The following DAB1 variants were observed in gnomAD, a reference collection of about 807,000 sequenced individuals.
The protein encoded by DAB1 is DAB adaptor protein 1.
In DAB1, 15 loss-of-function variants were observed where a neutral mutation model predicts 64.6. That is an observed-to-expected ratio of 0.23 (90% CI 0.16 to 0.36). DAB1 has a LOEUF of 0.36. Among genes scored for constraint, DAB1 ranks in the 10% least tolerant of loss-of-function variants. DAB1 has a pLI of 1.00. For synonymous variants in DAB1, 235 were observed against 251.9 expected, an observed-to-expected ratio of 0.93 and a Z score of 0.64; for missense variants, 596 against 706.7, an observed-to-expected ratio of 0.84 and a Z score of 1.78.
chr1:57,078,830 T>G (rs1652221869), intron 4 of DAB1, among the ~76,000 whole-genome samples: 1 of 152,192 alleles, frequency 6.6e-6, no homozygotes, highest in African/African-American at 2.4e-5. Flanking sequence ...GATTCTTCTT[T>G]AATTACTTAT....
At chr1:58,443,254 C>T (rs1050943111) in intron 3 of DAB1, among the ~76,000 whole-genome samples, 4 of 152,240 alleles carry the variant, frequency 2.6e-5, no homozygotes. Flanking sequence ...CAGTCCACAA[C>T]TTGGTTTGAG....
At chr1:57,417,803 T>C (rs1281210120) in intron 1 of DAB1, among the ~76,000 whole-genome samples, 1 of 152,182 alleles carries the variant, frequency 6.6e-6, no homozygotes, top group Non-Finnish European at 1.5e-5. Context: ...TGTTCTACAT[T>C]ACCTCTGTAC....
intron 6 of DAB1, among the ~76,000 whole-genome samples, chr1:57,785,485 G>A (rs894627447): frequency 6.6e-6 from 1 of 152,166 alleles, no homozygotes; most frequent in African/African-American, 2.4e-5. Flanking sequence ...TGACTCAAGG[G>A]AGGAAGTCAA....
At chr1:57,309,058 A>G (rs1674440188) in intron 1 of DAB1, among the ~76,000 whole-genome samples, 1 of 152,196 alleles carries the variant, frequency 6.6e-6, no homozygotes, top group South Asian at 2.1e-4. Context: ...TTTTTTTGTG[A>G]CATTTTTTAG....
chr1:57,025,614 G>A (rs1286066160), intron 10 of DAB1, among the ~76,000 whole-genome samples: 3 of 152,126 alleles, frequency 2.0e-5, no homozygotes, highest in Non-Finnish European at 4.4e-5. Context: ...GTGCTATCCC[G>A]AGTTTCCTGC....
In DAB1 at chr1:57,398,751, G is replaced by A. The variant is rs112386136; in HGVS notation, c.-137+25179C>T. Among the ~76,000 whole-genome samples the A allele has an allele frequency of 1.3e-3, 205 of 152,308 alleles. 3 individuals are homozygous for A. Among genetic ancestry groups the A allele is most frequent in the African/African-American group, 4.6e-3 (190 of 41,572 alleles). On this transcript the variant is annotated intron_variant, in intron 1 of 14. Coordinates refer to ENST00000371236, the MANE Select transcript of DAB1 (RefSeq NM_001365792.1). Reference sequence around the variant, plus strand: ...CCCCAAACGTCTTAACAACATACACGGTTGCCACTGTCTGAAGGCTGGAGA... The same window carrying A: ...CCCCAAACGTCTTAACAACATACACAGTTGCCACTGTCTGAAGGCTGGAGA...
At chr1:58,340,189 A>G (rs1038672852) in intron 4 of DAB1, among the ~76,000 whole-genome samples, 2 of 152,166 alleles carry the variant, frequency 1.3e-5, no homozygotes, top group East Asian at 3.8e-4. Flanking sequence ...ATATTAACAG[A>G]AAGGATTTCC....
At chr1:58,015,424 T>C (rs989893499) in intron 5 of DAB1, among the ~76,000 whole-genome samples, 1 of 152,198 alleles carries the variant, frequency 6.6e-6, no homozygotes, top group African/African-American at 2.4e-5. Context: ...CTCTGAAGTC[T>C]GGCTTTTCTC....
At chr1:57,811,984 A>G (rs577752763) in intron 6 of DAB1, among the ~76,000 whole-genome samples, 13 of 152,336 alleles carry the variant, frequency 8.5e-5, no homozygotes, top group Non-Finnish European at 1.8e-4. Flanking sequence ...ACATTTTTAA[A>G]GAGTCTTGTG....
chr1:57,500,670 C>T (rs1644280116), intron 7 of DAB1, among the ~76,000 whole-genome samples: 1 of 152,014 alleles, frequency 6.6e-6, no homozygotes, highest in South Asian at 2.1e-4. Context: ...TCGTTTATGC[C>T]AAGGAGAATG....
chr1:58,546,064 A>G (rs888930655), intron 1 of DAB1, among the ~76,000 whole-genome samples: 1 of 152,236 alleles, frequency 6.6e-6, no homozygotes, highest in African/African-American at 2.4e-5. Flanking sequence ...GCACGGCACA[A>G]TAAAACTGTT....
chr1:57,951,261 G>C (rs1367331544), intron 5 of DAB1, among the ~76,000 whole-genome samples: 2 of 144,344 alleles, frequency 1.4e-5, no homozygotes, highest in Admixed American at 7.2e-5. Flanking sequence ...GGGGGGTGAG[G>C]GGGGTAGTCT....
chr1:57,627,219 G>T (rs2101623466), intron 7 of DAB1, among the ~76,000 whole-genome samples: 1 of 152,172 alleles, frequency 6.6e-6, no homozygotes, highest in Admixed American at 6.5e-5. Context: ...ACCCAGACTG[G>T]GAATCTACAT....
chr1:58,137,569 C>A (rs920715985), intron 5 of DAB1, among the ~76,000 whole-genome samples: 3 of 152,126 alleles, frequency 2.0e-5, no homozygotes, highest in Admixed American at 6.5e-5. Flanking sequence ...ACCTCTATCA[C>A]CCTCTATGCA....
rs1003470837 is a variant in DAB1 at position 58,376,022 on chromosome 1, G to A, written n.258-32619C>T. 7.3e-5 allele frequency among the ~76,000 whole-genome samples: 11 copies of A among 151,214 alleles called. No homozygotes were observed. The South Asian group carries it at 1.5e-3, about 20-fold the overall frequency. On this transcript the variant is annotated intron_variant and non_coding_transcript_variant, in intron 3 of 20. Coordinates refer to the DAB1 transcript ENST00000485760. Reference sequence around the variant, plus strand: ...TAGTTTGTATTTCTGTGGGATCGGTGGTGATATCCCCTTTATCATTTTTTA... The same window carrying A: ...TAGTTTGTATTTCTGTGGGATCGGTAGTGATATCCCCTTTATCATTTTTTA...
Position 57,899,573 on chromosome 1 carries a change from C to A in DAB1, n.388-15411G>T, listed in dbSNP as rs1241424638. Among the ~76,000 whole-genome samples, 2 of 152,130 alleles carry A rather than the reference C, an allele frequency of 1.3e-5. 1 individual carries two copies. Among genetic ancestry groups the A allele is most frequent in the Non-Finnish European group, 2.9e-5 (2 of 68,018 alleles). On this transcript the variant is annotated intron_variant and non_coding_transcript_variant, in intron 5 of 20. Transcript: ENST00000485760. ...CTTGTTCCACCCCAACTCCTACACC[C>A]TACCCTGAGACCGCAAACATGCACG...
At chr1:57,366,852 G>A (rs1680039876) in intron 1 of DAB1, among the ~76,000 whole-genome samples, 1 of 151,850 alleles carries the variant, frequency 6.6e-6, no homozygotes, top group Non-Finnish European at 1.5e-5. Flanking sequence ...CCTCCATGCT[G>A]TTCTGAATAT....
intron 6 of DAB1, among the ~76,000 whole-genome samples, chr1:57,814,609 G>A (rs760762184): frequency 1.4e-4 from 21 of 152,158 alleles, no homozygotes; most frequent in Non-Finnish European, 2.1e-4. Flanking sequence ...ATTCCATACT[G>A]AGGGCCCAAG....
At chr1:57,595,624 G>GT (rs954205472) in intron 7 of DAB1, among the ~76,000 whole-genome samples, 2 of 151,870 alleles carry the variant, frequency 1.3e-5, no homozygotes, top group African/African-American at 2.4e-5. Flanking sequence ...TCAGATCTGT[G>GT]TTCCCCCCCC....
Sources: gnomAD v4.1 joint callset for allele counts (sites outside exome capture counted in the v4.1 genomes callset) on GRCh38, gnomAD v4.1.1 for gene constraint, MANE v1.5 for transcripts, NCBI Gene and HGNC (gene_info 2026-07-23, HGNC 2026-07-21) for gene names.